SWI5: variants seen among roughly 807,000 people sequenced by gnomAD.
SWI5 encodes SWI5 homologous recombination repair protein.
Under a neutral mutation model 17.0 loss-of-function variants are expected in SWI5, and 12 were observed. The observed-to-expected ratio is 0.71, with a 90% CI of 0.45 to 1.14. The LOEUF (loss-of-function observed/expected upper bound fraction) is 1.14. SWI5 is among the 50% of genes most tolerant of loss of function. The probability of loss-of-function intolerance (pLI) is 0.00; values close to 1 mark genes in which losing one functional copy is unlikely to be tolerated. For synonymous variants in SWI5, 61 were observed against 64.0 expected (o/e 0.95, Z 0.22); for missense variants, 158 against 162.2 (o/e 0.97, Z 0.14).
exon 1 of SWI5, chr9:128,276,324 G>T (rs1394041190): frequency 6.2e-7 from 1 of 1,612,904 alleles, no homozygotes; most frequent in African/African-American, 1.3e-5. Context: ...CTGAGAGGTC[G>T]CTCTCCGACT....
At chr9:128,287,179 T>G (rs977567594) in intron 4 of SWI5, among the ~76,000 whole-genome samples, 3 of 142,984 alleles carry the variant, frequency 2.1e-5, no homozygotes, top group African/African-American at 7.9e-5. Flanking sequence ...GCTCGCTGGC[T>G]CGCACTTGTA....
intron 1 of SWI5, 56 bp from the exon 2 acceptor site, chr9:128,276,651 C>G: frequency 1.9e-6 from 3 of 1,613,980 alleles, no homozygotes; most frequent in Non-Finnish European, 1.7e-6. Context: ...CACAGTACCC[C>G]GTCCTCACAG....
intron 1 of SWI5, 54 bp downstream of exon 1, chr9:128,276,456 C>A: frequency 6.3e-7 from 1 of 1,592,844 alleles, no homozygotes; most frequent in South Asian, 1.1e-5. Flanking sequence ...CAGCCCTGCC[C>A]CAGACTCTCC....
At chr9:128,276,253 G>T (rs749224407) in exon 1 of SWI5, 1 of 1,612,558 alleles carries the variant, frequency 6.2e-7, no homozygotes, top group South Asian at 1.1e-5. Flanking sequence ...TTCCTTGGGT[G>T]CGCGCGCAGC....
At position 128,278,023 on chromosome 9, in the gene SWI5, G is replaced by A. The variant is rs565486584; in HGVS notation, c.111+1268G>A. On this transcript the variant is annotated intron_variant, in intron 2 of 4. Coordinates refer to ENST00000418976, the Ensembl canonical transcript of SWI5. ...GCTGGAGTGCAATGGTGCGATCTGGGCTCACTGTAACCTCTGCCTCCCAGG... is the reference window on the plus strand; with the variant it reads ...GCTGGAGTGCAATGGTGCGATCTGGACTCACTGTAACCTCTGCCTCCCAGG... 2.0e-5 allele frequency among the ~76,000 whole-genome samples: 3 copies of A among 148,036 alleles called. No individual in the cohort carries two copies. In the East Asian group the frequency reaches 6.0e-4, roughly 29 times the overall value.
upstream of SWI5, chr9:128,276,144 C>T: frequency 4.5e-6 from 7 of 1,566,910 alleles, no homozygotes; most frequent in South Asian, 1.2e-5. Flanking sequence ...GGGGGCGTGG[C>T]TATGCAGCGG....
intron 4 of SWI5, 29 bp from the exon 5 acceptor site, chr9:128,288,623 C>T: frequency 6.2e-7 from 1 of 1,613,460 alleles, no homozygotes; most frequent in Admixed American, 1.7e-5. Flanking sequence ...CTCCCCACTG[C>T]ACATTCAGCC....
At chr9:128,282,979 A>G (rs777650059) in intron 2 of SWI5, among the ~76,000 whole-genome samples, 12 of 152,042 alleles carry the variant, frequency 7.9e-5, no homozygotes, top group Non-Finnish European at 1.8e-4. Flanking sequence ...GGAGTTTGAG[A>G]CCAGCCTGGC....
Position 128,285,201 on chromosome 9 carries a change from G to A in SWI5, c.233+570G>A, listed in dbSNP as rs1416273397. The stretch of plus-strand genomic sequence containing the variant: ...GAGGGCGAGAGGGAGAGAGAGAGGA[G>A]AGGAAAGAAAAAGGAAGGAAGGAAA... On this transcript the variant is annotated intron_variant, in intron 3 of 4. Transcript: ENST00000418976. This position sits in a 1 kb window ranked among gnomAD's most constrained non-coding sequence, Gnocchi z 4.8. Among the ~76,000 whole-genome samples, 1 of 148,300 alleles carries A rather than the reference G, an allele frequency of 6.7e-6. No homozygotes were observed. Among genetic ancestry groups the A allele is most frequent in the Non-Finnish European group, 1.5e-5 (1 of 67,414 alleles).
chr9:128,283,160 CA>C (rs1208422803), intron 2 of SWI5, among the ~76,000 whole-genome samples: 185 of 143,198 alleles, frequency 1.3e-3, no homozygotes, highest in Admixed American at 1.8e-3. Flanking sequence ...ACTAAAAATA[CA>C]AAAAAAAAAA....
chr9:128,287,385 G>A (rs1214071395), intron 4 of SWI5, among the ~76,000 whole-genome samples: 2 of 148,590 alleles, frequency 1.3e-5, no homozygotes, highest in Non-Finnish European at 3.0e-5. Context: ...ACCAGGAAGC[G>A]GAGGTTACGG....
chr9:128,284,935 G>A (rs938552767), intron 3 of SWI5, among the ~76,000 whole-genome samples: 7 of 132,952 alleles, frequency 5.3e-5, no homozygotes, highest in Admixed American at 1.6e-4. Context: ...CAGCCTGGGC[G>A]ATGGAGTGAG....
exon 3 of SWI5, chr9:128,284,618 C>G: frequency 6.2e-7 from 1 of 1,613,562 alleles, no homozygotes; most frequent in Non-Finnish European, 8.5e-7. Context: ...GGAGATCTCC[C>G]AGTTCGTATC....
intron 2 of SWI5, among the ~76,000 whole-genome samples, chr9:128,284,252 G>A (rs1831592848): frequency 7.1e-6 from 1 of 141,754 alleles, no homozygotes; most frequent in Admixed American, 7.4e-5. Flanking sequence ...TCAGGTTACT[G>A]CACTCCAGTC....
At chr9:128,287,991 TA>T (rs1290783912) in intron 4 of SWI5, among the ~76,000 whole-genome samples, 5 of 152,142 alleles carry the variant, frequency 3.3e-5, no homozygotes, top group African/African-American at 1.2e-4. Context: ...GTTTTCCTGT[TA>T]GGGGTGGAGG....
In SWI5 at chr9:128,285,865, C is replaced by G; in HGVS notation, c.234-74C>G. On this transcript the variant is annotated intron_variant, in intron 3 of 4. Coordinates refer to ENST00000418976, the Ensembl canonical transcript of SWI5. The surrounding 1 kb of genome is among the most constrained non-coding windows in gnomAD (Gnocchi z 4.8). ...GTAGGCCATTACAGATGCCTTATTA[C>G]TATCTGAGCCTGGGGCCATCATCTG... The G allele has an allele frequency of 9.9e-7, 1 of 1,010,234 alleles. No homozygotes were observed. The highest frequency in any genetic ancestry group is 1.6e-6 in the Non-Finnish European group (1 of 638,836). The allele number at this position is 1,010,234 out of a possible 1,614,324, so 62.6% of individuals were successfully genotyped here.
At chr9:128,283,863 C>A (rs2131421717) in intron 2 of SWI5, among the ~76,000 whole-genome samples, 1 of 152,228 alleles carries the variant, frequency 6.6e-6, no homozygotes, top group Non-Finnish European at 1.5e-5. Context: ...GTGGCTCATG[C>A]CTGTAATCCA....
At chr9:128,276,034 G>A (rs1831343640), upstream of SWI5, 3 of 1,586,940 alleles carry the variant, frequency 1.9e-6, no homozygotes, top group Non-Finnish European at 2.6e-6. Flanking sequence ...GCTGTGCGAC[G>A]GAGCCAGAGG....
rs1223446621 is a variant in SWI5 at position 128,285,837 on chromosome 9, C to T, written c.234-102C>T. The T allele has an allele frequency of 6.6e-6, 5 of 754,744 alleles. No homozygotes were observed. The highest frequency in any genetic ancestry group is 2.5e-5 in the East Asian group (1 of 39,858). 46.8% of individuals were successfully genotyped at this position (754,744 alleles called of 1,614,324 possible). On this transcript the variant is annotated intron_variant, in intron 3 of 4. Coordinates refer to ENST00000418976, the Ensembl canonical transcript of SWI5. This position sits in a 1 kb window ranked among gnomAD's most constrained non-coding sequence, Gnocchi z 4.8. ...TCACCATATCCCTAGTACCTATCAC[C>T]GAGTAGGCCATTACAGATGCCTTAT...
Sources: gnomAD v4.1 joint callset for allele counts (sites outside exome capture counted in the v4.1 genomes callset) on GRCh38, gnomAD v4.1.1 for gene constraint, Gnocchi (gnomAD v3.1) non-coding constraint, MANE v1.5 for transcripts, NCBI Gene and HGNC (gene_info 2026-07-23, HGNC 2026-07-21) for gene names.